KCNN1: variants seen among roughly 807,000 people sequenced by gnomAD.
KCNN1 encodes small conductance calcium-activated potassium channel protein 1.
A neutral mutation model predicts 44.7 loss-of-function variants in KCNN1; 20 were observed. The observed-to-expected ratio is 0.45, with a 90% CI of 0.32 to 0.65. The LOEUF is 0.65. Ranked by LOEUF, KCNN1 falls within the 30% of genes least tolerant of loss-of-function variation. The pLI is 0.05. For synonymous variants in KCNN1, 324 were observed against 341.7 expected (o/e 0.95, Z 0.57); for missense variants, 632 against 785.3 (o/e 0.80, Z 2.33).
At chr19:17,982,683 A>G in intron 4 of KCNN1, 1 of 833,924 alleles carries the variant, frequency 1.2e-6, no homozygotes, top group Non-Finnish European at 1.4e-6. Flanking sequence ...AAGGGGAGGG[A>G]GGCAGGGAGA....
At chr19:17,958,480 CTTTTTT>C (rs71164331) in intron 2 of KCNN1, among the ~76,000 whole-genome samples, 4 of 99,564 alleles carry the variant, frequency 4.0e-5, no homozygotes, top group Non-Finnish European at 7.8e-5. Flanking sequence ...GACCCTGTCT[CTTTTTT>C]TTTTTTTTTT....
chr19:17,984,382 G>T (rs1381809827), intron 4 of KCNN1, among the ~76,000 whole-genome samples: 1 of 152,140 alleles, frequency 6.6e-6, no homozygotes, highest in Non-Finnish European at 1.5e-5. Context: ...CTCCCCTGAA[G>T]ATCCTGCTCT....
upstream of KCNN1, among the ~76,000 whole-genome samples, chr19:17,965,867 G>A (rs1156897996): frequency 1.3e-5 from 2 of 152,096 alleles, no homozygotes; most frequent in Non-Finnish European, 2.9e-5. Flanking sequence ...GAGCAGTCTG[G>A]ACAGGCTGGG....
At chr19:17,962,418 C>T (rs1460283091), upstream of KCNN1, among the ~76,000 whole-genome samples, 1 of 152,172 alleles carries the variant, frequency 6.6e-6, no homozygotes, top group Non-Finnish European at 1.5e-5. Context: ...GTCTGCAGGG[C>T]CCTTGTGTAT....
intron 3 of KCNN1, among the ~76,000 whole-genome samples, chr19:17,981,350 G>C (rs1465688495): frequency 1.3e-5 from 2 of 151,866 alleles, no homozygotes; most frequent in Non-Finnish European, 2.9e-5. Flanking sequence ...TCAGGAATTC[G>C]AGACTAGCCT....
At chr19:17,963,000 C>CT (rs71164332), upstream of KCNN1, among the ~76,000 whole-genome samples, 1,161 of 81,656 alleles carry the variant, frequency 0.014, 22 homozygotes, top group Middle Eastern at 0.049. Flanking sequence ...CACGCCCAGG[C>CT]TTTTTTTTTT....
At chr19:17,982,458 C>T (rs992228061) in intron 4 of KCNN1, 6 of 745,752 alleles carry the variant, frequency 8.0e-6, no homozygotes, top group African/African-American at 1.9e-5. Flanking sequence ...TCTCTGGCCC[C>T]GGGGGGCGCA....
chr19:17,963,156 C>G (rs936332530), upstream of KCNN1, among the ~76,000 whole-genome samples: 1 of 150,472 alleles, frequency 6.6e-6, no homozygotes, highest in Non-Finnish European at 1.5e-5. Flanking sequence ...TACAGGCGCC[C>G]GCCACCACGC....
intron 7 of KCNN1, among the ~76,000 whole-genome samples, chr19:17,992,080 G>C (rs2032813975): frequency 6.6e-6 from 1 of 152,180 alleles, no homozygotes; most frequent in Admixed American, 6.6e-5. Context: ...CAGCACTTTG[G>C]GAGGCCGAGA....
At chr19:17,957,248 A>G (rs1405779610) in intron 2 of KCNN1, among the ~76,000 whole-genome samples, 2 of 95,780 alleles carry the variant, frequency 2.1e-5, no homozygotes, top group Non-Finnish European at 4.4e-5. Context: ...GGGAAGGGGA[A>G]AGGGAAAGGG....
chr19:17,989,588 C>T (rs751045833), intron 6 of KCNN1, 128 bp from the exon 7 acceptor site: 21 of 1,341,110 alleles, frequency 1.6e-5, no homozygotes, highest in Non-Finnish European at 2.2e-5. Flanking sequence ...ATGGCCCTGC[C>T]TTATAGCCCA....
rs1599356613 is a variant in KCNN1, at chr19:17,973,877, A to C, written c.-12A>C. The C allele has an allele frequency of 6.5e-7, 1 of 1,549,178 alleles. No individual in the cohort carries two copies. Among genetic ancestry groups the C allele is most frequent in the Non-Finnish European group, 8.7e-7 (1 of 1,149,018 alleles). On this transcript the variant is annotated 5_prime_UTR_variant, in exon 2 of 10. Coordinates refer to ENST00000684775, the MANE Select transcript of KCNN1 (RefSeq NM_001386974.1). ...GGCCTGCAGCGAGCCCAACCCCTGC[A>C]CCCAGGTAGTCATGAACAGCCACAG...
Position 17,998,023 on chromosome 19 carries a change from G to A in KCNN1, c.1378-129G>A, listed in dbSNP as rs553170211. 9.2e-5 allele frequency: 94 copies of A among 1,023,280 alleles called. No homozygotes were observed. In the African/African-American group the frequency reaches 1.3e-3, roughly 14 times the overall value. The allele number at this position is 1,023,280 out of a possible 1,614,324, so 63.4% of individuals were successfully genotyped here. ...GTATCCTCCCAGCCACCCCTCACAC[G>A]GGCCCCATTAGTGGCTGGCACCCAC... On this transcript the variant is annotated intron_variant, in intron 9 of 9. Coordinates refer to ENST00000684775, the MANE Select transcript of KCNN1 (RefSeq NM_001386974.1). This position sits in a 1 kb window ranked among gnomAD's most constrained non-coding sequence, Gnocchi z 5.4.
chr19:17,973,746 C>T lies in KCNN1; in HGVS notation c.-81-62C>T, dbSNP rs535266043. The T allele has an allele frequency of 2.1e-6, 3 of 1,440,222 alleles. No individual in the cohort carries two copies. The Admixed American group carries it at 8.3e-5, about 40-fold the overall frequency. The allele number at this position is 1,440,222 out of a possible 1,614,324, so 89.2% of individuals were successfully genotyped here. ...AACGTTCTGGGTTGGCCGGGATGGT[C>T]CTTGCCTTTCTGGTCAGTAAGCTGG... On this transcript the variant is annotated intron_variant, in intron 1 of 9. Transcript: ENST00000684775.
At chr19:17,957,936 T>C (rs2031583870) in intron 2 of KCNN1, among the ~76,000 whole-genome samples, 1 of 151,848 alleles carries the variant, frequency 6.6e-6, no homozygotes, top group South Asian at 2.1e-4. Flanking sequence ...TGGAAAAAAG[T>C]GGGCACATTC....
At chr19:17,997,273 G>A (rs1009274273) in intron 9 of KCNN1, among the ~76,000 whole-genome samples, 45 of 152,254 alleles carry the variant, frequency 3.0e-4, no homozygotes, top group Non-Finnish European at 6.2e-4. Context: ...ACTGAACAGG[G>A]TCCCCCCTCC....
rs77370909 is a variant in KCNN1 at position 17,998,062 on chromosome 19, G to A, written c.1378-90G>A. On this transcript the variant is annotated intron_variant, in intron 9 of 9. Coordinates refer to ENST00000684775, the MANE Select transcript of KCNN1 (RefSeq NM_001386974.1). This position sits in a 1 kb window ranked among gnomAD's most constrained non-coding sequence, Gnocchi z 5.4. Reference sequence around the variant, plus strand: ...GCTGGCACCCACCTGGAGCGTGTGGGCTGTCCCTCTCTGTCATTGGTGTCG... The same window carrying A: ...GCTGGCACCCACCTGGAGCGTGTGGACTGTCCCTCTCTGTCATTGGTGTCG... 1 of 1,401,564 alleles carries A rather than the reference G, an allele frequency of 7.1e-7. No homozygotes were observed. The highest frequency in any genetic ancestry group is 9.5e-7 in the Non-Finnish European group (1 of 1,057,210). 86.8% of individuals were successfully genotyped at this position (1,401,564 alleles called of 1,614,324 possible).
At chr19:17,957,164 G>A (rs2031562914) in intron 2 of KCNN1, among the ~76,000 whole-genome samples, 2 of 130,038 alleles carry the variant, frequency 1.5e-5, no homozygotes, top group South Asian at 5.5e-4. Flanking sequence ...AGAAAAAAAG[G>A]AGAGGAGAGG....
chr19:17,993,782 G>A lies in KCNN1; in HGVS notation c.1377+223G>A, dbSNP rs2032885616. 6.6e-6 allele frequency among the ~76,000 whole-genome samples: 1 copy of A among 152,124 alleles called. No homozygotes were observed. Among genetic ancestry groups the A allele is most frequent in the Admixed American group, 6.6e-5 (1 of 15,264 alleles). On this transcript the variant is annotated intron_variant, in intron 9 of 9. Transcript: ENST00000684775. This position sits in a 1 kb window ranked among gnomAD's most constrained non-coding sequence, Gnocchi z 4.5. ...AACAATTAGCCAGGCGTGGTGGCGGGCGCCTTTAATCCCAGCTACTTGGGG... is the reference window on the plus strand; with the variant it reads ...AACAATTAGCCAGGCGTGGTGGCGGACGCCTTTAATCCCAGCTACTTGGGG...
Sources: allele counts gnomAD v4.1 joint callset (sites outside exome capture counted in the v4.1 genomes callset), GRCh38; gene constraint gnomAD v4.1.1; non-coding constraint Gnocchi (gnomAD v3.1); transcripts MANE v1.5; gene names NCBI Gene and HGNC (gene_info 2026-07-23, HGNC 2026-07-21).